The following DLGAP1 variants were observed in gnomAD, a reference collection of about 807,000 sequenced individuals.
DLGAP1 encodes disks large-associated protein 1.
DLGAP1 carries 11 observed loss-of-function variants against 90.8 expected under a neutral mutation model. That is an observed-to-expected ratio of 0.12 (90% CI 0.08 to 0.20). DLGAP1 has a LOEUF of 0.20. Among genes scored for constraint, DLGAP1 ranks in the 10% least tolerant of loss-of-function variants. The pLI is 1.00. For missense variants in DLGAP1, 1,050 were observed against 1,333.8 expected, an observed-to-expected ratio of 0.79 and a Z score of 3.31; for synonymous variants, 558 against 540.7, an observed-to-expected ratio of 1.03 and a Z score of -0.44.
At chr18:3,611,724 A>AC in intron 7 of DLGAP1, among the ~76,000 whole-genome samples, 1 of 152,128 alleles carries the variant, frequency 6.6e-6, no homozygotes, top group Non-Finnish European at 1.5e-5. Flanking sequence ...CTTCTCTATC[A>AC]CCCTCCAGTT....
intron 7 of DLGAP1, among the ~76,000 whole-genome samples, chr18:3,725,182 C>G (rs552900456): frequency 1.1e-4 from 16 of 151,948 alleles, no homozygotes; most frequent in Non-Finnish European, 1.6e-4. Flanking sequence ...TGTATTTGGC[C>G]GGATGTGTGA....
chr18:4,443,105 C>T (rs2144844583), intron 1 of DLGAP1, among the ~76,000 whole-genome samples: 1 of 152,340 alleles, frequency 6.6e-6, no homozygotes, highest in East Asian at 1.9e-4. Context: ...ACATTTCTGT[C>T]TATAACTCCT....
At chr18:3,557,766 A>G (rs562667001) in intron 9 of DLGAP1, among the ~76,000 whole-genome samples, 14 of 152,198 alleles carry the variant, frequency 9.2e-5, no homozygotes, top group Admixed American at 8.5e-4. Flanking sequence ...GTCTCTACTA[A>G]AAATACAAAA....
At chr18:4,377,525 A>C (rs2082038529) in intron 1 of DLGAP1, among the ~76,000 whole-genome samples, 1 of 152,210 alleles carries the variant, frequency 6.6e-6, no homozygotes, top group Non-Finnish European at 1.5e-5. Context: ...TTCCTTTCAA[A>C]GGATAAACAA....
At chr18:4,321,773 A>T (rs957752991) in intron 1 of DLGAP1, among the ~76,000 whole-genome samples, 1 of 152,236 alleles carries the variant, frequency 6.6e-6, no homozygotes, top group Non-Finnish European at 1.5e-5. Context: ...TATGTAACAA[A>T]ATGAGGCAGG....
chr18:3,684,459 CA>C (rs1292155860), intron 7 of DLGAP1, among the ~76,000 whole-genome samples: 1 of 151,486 alleles, frequency 6.6e-6, no homozygotes, highest in East Asian at 1.9e-4. Context: ...CTCAGCCTCC[CA>C]AAGTGCTGGG....
chr18:3,894,242 T>A (rs901739675), intron 3 of DLGAP1, among the ~76,000 whole-genome samples: 2 of 152,222 alleles, frequency 1.3e-5, no homozygotes, highest in African/African-American at 2.4e-5. Flanking sequence ...TATTTTTTGT[T>A]TTTGTTGCAT....
At chr18:4,435,935 T>C (rs9950933) in intron 1 of DLGAP1, among the ~76,000 whole-genome samples, 7,011 of 152,146 alleles carry the variant, frequency 0.046, 513 homozygotes, top group African/African-American at 0.16. Context: ...CCTAAGCAGA[T>C]GCGCACACAG....
intron 7 of DLGAP1, among the ~76,000 whole-genome samples, chr18:3,630,179 G>A (rs1223858256): frequency 6.6e-6 from 1 of 152,160 alleles, no homozygotes; most frequent in African/African-American, 2.4e-5. Context: ...GCTCTCCCCA[G>A]TGTGGTTGGG....
intron 1 of DLGAP1, among the ~76,000 whole-genome samples, chr18:4,270,614 C>T (rs942946314): frequency 1.5e-4 from 23 of 152,090 alleles, no homozygotes; most frequent in African/African-American, 5.3e-4. Flanking sequence ...AAATAAAGAA[C>T]ACTTACAAGA....
intron 7 of DLGAP1, among the ~76,000 whole-genome samples, chr18:3,641,953 G>T (rs964890681): frequency 1.3e-5 from 2 of 152,190 alleles, no homozygotes; most frequent in African/African-American, 4.8e-5. Context: ...TCTCTAACCG[G>T]TCTCTGTGGG....
chr18:4,419,718 G>A (rs2082985940), intron 1 of DLGAP1, among the ~76,000 whole-genome samples: 1 of 151,980 alleles, frequency 6.6e-6, no homozygotes, highest in Non-Finnish European at 1.5e-5. Context: ...TTTGTAGGTA[G>A]ACTCTACTTG....
chr18:3,648,512 T>C (rs1321744786), intron 7 of DLGAP1, among the ~76,000 whole-genome samples: 2 of 152,244 alleles, frequency 1.3e-5, no homozygotes, highest in Non-Finnish European at 2.9e-5. Context: ...TTATGGTGTG[T>C]TCCAAAATTA....
chr18:4,259,261 C>T (rs890351247), intron 1 of DLGAP1, among the ~76,000 whole-genome samples: 20 of 152,186 alleles, frequency 1.3e-4, no homozygotes, highest in African/African-American at 4.1e-4. Context: ...GAGAAAGCCC[C>T]GGTGTCAGTA....
At chr18:3,984,937 C>T (rs916919262) in intron 3 of DLGAP1, among the ~76,000 whole-genome samples, 1 of 152,164 alleles carries the variant, frequency 6.6e-6, no homozygotes, top group Non-Finnish European at 1.5e-5. Flanking sequence ...GGTTTATTGA[C>T]CCATCCCAAC....
At chr18:3,737,678 G>C (rs1317996685) in intron 6 of DLGAP1, among the ~76,000 whole-genome samples, 1 of 127,138 alleles carries the variant, frequency 7.9e-6, no homozygotes, top group Non-Finnish European at 1.6e-5. Context: ...TACTGAATGG[G>C]CAAAAACTGG....
chr18:4,274,127 C>CT (rs1301932200), intron 1 of DLGAP1, among the ~76,000 whole-genome samples: 2 of 149,494 alleles, frequency 1.3e-5, no homozygotes, highest in Non-Finnish European at 3.0e-5. Flanking sequence ...TTTAACTCTT[C>CT]TTTTTTCACA....
intron 1 of DLGAP1, among the ~76,000 whole-genome samples, chr18:4,263,221 C>CGG (rs1405786433): frequency 6.6e-6 from 1 of 152,112 alleles, no homozygotes; most frequent in East Asian, 1.9e-4. Flanking sequence ...TGTGAGGCAC[C>CGG]GTACCGGGCC....
chr18:3,748,511 C>G (rs1349115093), intron 5 of DLGAP1, among the ~76,000 whole-genome samples: 3 of 152,092 alleles, frequency 2.0e-5, no homozygotes, highest in Non-Finnish European at 4.4e-5. Flanking sequence ...CCATCTGCAC[C>G]CTAAGTTTTG....
Sources: allele counts gnomAD v4.1 joint callset (sites outside exome capture counted in the v4.1 genomes callset), GRCh38; gene constraint gnomAD v4.1.1; transcripts MANE v1.5; gene names NCBI Gene and HGNC (gene_info 2026-07-23, HGNC 2026-07-21).